SLC35D1: variants seen among roughly 807,000 people sequenced by gnomAD.
The protein encoded by SLC35D1 is nucleotide sugar transporter SLC35D1.
A neutral mutation model predicts 46.7 loss-of-function variants in SLC35D1; 31 were observed. The observed-to-expected ratio is 0.66, with a 90% CI of 0.50 to 0.90. The LOEUF (loss-of-function observed/expected upper bound fraction) is 0.90, where lower values mean the gene tolerates loss of function less well. Among genes scored for constraint, SLC35D1 ranks in the 40% least tolerant of loss-of-function variants. The pLI is 0.00. For missense variants in SLC35D1, 397 were observed against 426.2 expected (o/e 0.93, Z 0.60); for synonymous variants, 195 against 164.6 (o/e 1.18, Z -1.41).
At chr1:67,031,315 A>G (rs1668012887) in intron 8 of SLC35D1, among the ~76,000 whole-genome samples, 1 of 152,180 alleles carries the variant, frequency 6.6e-6, no homozygotes, top group African/African-American at 2.4e-5. Flanking sequence ...CAAAAGCAGC[A>G]GCAGCCATTT....
downstream of SLC35D1, among the ~76,000 whole-genome samples, chr1:66,994,649 G>GA (rs60025909): frequency 0.43 from 61,742 of 145,148 alleles, 14,844 homozygotes; most frequent in African/African-American, 0.67. Flanking sequence ...GTCTCAAAAA[G>GA]AAAAAAAAAA....
In SLC35D1 at chr1:67,052,760, T is replaced by C; in HGVS notation, c.324+11A>G. ...ATTTCACAAAATAAAGTATCGCTTT[T>C]CTTCTTTTACCTTTCGAGGTACATT... On this transcript the variant is annotated intron_variant, in intron 3 of 11. Transcript: ENST00000235345. 2 of 1,613,802 alleles carry C rather than the reference T, an allele frequency of 1.2e-6. No homozygotes were observed. The highest frequency in any genetic ancestry group is 1.7e-6 in the Non-Finnish European group (2 of 1,179,684).
rs546579571 is a variant in SLC35D1 at position 67,015,224 on chromosome 1, AAAAC to A, written c.876+5141_876+5144del. ...AACGTTTAAAAAGTTTTTAATTAAA[AAAAC>A]AAAAATAAAAAATTTTAAAAATGTT... On this transcript the variant is annotated intron_variant, in intron 10 of 11. Transcript: ENST00000235345. 2.6e-4 allele frequency among the ~76,000 whole-genome samples: 40 copies of A among 151,090 alleles called. No homozygotes were observed. In the East Asian group the frequency reaches 3.3e-3, roughly 12 times the overall value.
intron 8 of SLC35D1, among the ~76,000 whole-genome samples, chr1:67,041,342 G>T (rs1036487873): frequency 6.6e-6 from 1 of 152,138 alleles, no homozygotes; most frequent in African/African-American, 2.4e-5. Flanking sequence ...AGGTATGATG[G>T]GGGGTGGGAA....
At chr1:67,035,559 ATTAT>A (rs961821874) in intron 8 of SLC35D1, among the ~76,000 whole-genome samples, 9 of 151,862 alleles carry the variant, frequency 5.9e-5, no homozygotes, top group South Asian at 2.1e-4. Context: ...CAGCTCTGAT[ATTAT>A]TTATTTGGGT....
intron 10 of SLC35D1, among the ~76,000 whole-genome samples, chr1:67,018,012 T>C (rs1406816418): frequency 6.6e-6 from 1 of 152,186 alleles, no homozygotes; most frequent in Non-Finnish European, 1.5e-5. Context: ...CCCCAAAATA[T>C]ATTTATCTGA....
At position 66,999,834 on chromosome 1, in the gene SLC35D1, G is replaced by A. The variant is rs957058428; in HGVS notation, c.*4506C>T. ...GACAACTGAGACAGGCCTGGAAGCA[G>A]GGGCAGCATGGGGTCAAGTGCTTTC... On this transcript the variant is annotated 3_prime_UTR_variant, in exon 12 of 12. Coordinates refer to ENST00000235345, the MANE Select transcript of SLC35D1 (RefSeq NM_015139.3). The A allele has an allele frequency of 1.3e-5, 2 of 152,304 alleles. No homozygotes were observed. Among genetic ancestry groups the A allele is most frequent in the Non-Finnish European group, 2.9e-5 (2 of 68,070 alleles). The allele number at this position is 152,304 out of a possible 1,614,324, so 9.4% of individuals were successfully genotyped here.
intron 10 of SLC35D1, among the ~76,000 whole-genome samples, chr1:67,019,071 C>T (rs145604862): frequency 2.9e-4 from 44 of 152,222 alleles, no homozygotes; most frequent in African/African-American, 9.9e-4. Context: ...AAAGTATAAA[C>T]CTTATATAAG....
At chr1:66,999,213 G>A (rs1008355622), downstream of SLC35D1, 3 of 152,118 alleles carry the variant, frequency 2.0e-5, no homozygotes, top group African/African-American at 7.2e-5. Context: ...CAAGACACTG[G>A]ATATTCAGTC....
At chr1:66,985,381 G>C in the SLC35D1 span, 1 of 984,482 alleles carries the variant, frequency 1.0e-6, no homozygotes, top group East Asian at 1.1e-4. Flanking sequence ...TCACCAAACA[G>C]TTTGAGTATC....
chr1:66,998,816 G>A (rs1190788285), downstream of SLC35D1, among the ~76,000 whole-genome samples: 1 of 152,124 alleles, frequency 6.6e-6, no homozygotes, highest in Non-Finnish European at 1.5e-5. Flanking sequence ...AAAGAATGGT[G>A]GTTATCGATG....
the SLC35D1 span, among the ~76,000 whole-genome samples, chr1:66,979,624 T>G: frequency 6.6e-6 from 1 of 152,244 alleles, no homozygotes; most frequent in African/African-American, 2.4e-5. Context: ...TGTCTGATTC[T>G]GCCCTTTCCT....
chr1:67,053,779 C>A lies in SLC35D1; in HGVS notation c.203+32G>T, dbSNP rs370561547. ...CCGCCGCCGCCGCCCGCTCCTCCTCCGCGGCCTGGGCCGCCGCCGCCTCGG... is the reference window on the plus strand; with the variant it reads ...CCGCCGCCGCCGCCCGCTCCTCCTCAGCGGCCTGGGCCGCCGCCGCCTCGG... On this transcript the variant is annotated intron_variant, in intron 1 of 11. Transcript: ENST00000235345. 80 of 1,523,262 alleles carry A rather than the reference C, an allele frequency of 5.3e-5. No homozygotes were observed. The African/African-American group carries it at 1.1e-3, about 22-fold the overall frequency. The allele number at this position is 1,523,262 out of a possible 1,614,324, so 94.4% of individuals were successfully genotyped here. A position where few individuals can be genotyped will look rare whatever the true frequency, so the allele number is the denominator to read the frequency against.
the SLC35D1 span, chr1:66,985,411 C>T: frequency 2.0e-6 from 2 of 982,874 alleles, no homozygotes; most frequent in East Asian, 1.1e-4. Flanking sequence ...GAAACCCTTA[C>T]GAATCCTGAA....
intron 11 of SLC35D1, chr1:67,008,431 C>A: frequency 2.3e-6 from 3 of 1,288,388 alleles, no homozygotes; most frequent in South Asian, 2.5e-5. Context: ...TCACAGAGAC[C>A]TCTGTGGCAG....
the SLC35D1 span, among the ~76,000 whole-genome samples, chr1:66,978,499 T>C: frequency 6.6e-6 from 1 of 152,216 alleles, no homozygotes; most frequent in African/African-American, 2.4e-5. Flanking sequence ...AATTGCTTAA[T>C]GTTAAATTTA....
At chr1:66,976,092 T>G in the SLC35D1 span, among the ~76,000 whole-genome samples, 1 of 149,654 alleles carries the variant, frequency 6.7e-6, no homozygotes, top group African/African-American at 2.5e-5. Context: ...CCCCACCCCC[T>G]GCTGGGGTTC....
the SLC35D1 span, among the ~76,000 whole-genome samples, chr1:66,989,572 T>C: frequency 0.023 from 3,533 of 152,260 alleles, 136 homozygotes; most frequent in African/African-American, 0.082. Context: ...CAGGTAATCC[T>C]CCCACCTCAG....
downstream of SLC35D1, among the ~76,000 whole-genome samples, chr1:66,999,099 G>A (rs558718398): frequency 3.9e-5 from 6 of 152,226 alleles, no homozygotes; most frequent in South Asian, 6.2e-4. Flanking sequence ...TCTACTTGAT[G>A]AGTAAAGCTA....
Sources: gnomAD v4.1 joint callset for allele counts (sites outside exome capture counted in the v4.1 genomes callset) on GRCh38, gnomAD v4.1.1 for gene constraint, MANE v1.5 for transcripts, NCBI Gene and HGNC (gene_info 2026-07-23, HGNC 2026-07-21) for gene names.